The following ENTPD4 variants were observed in gnomAD, a reference collection of about 807,000 sequenced individuals.
The protein encoded by ENTPD4 is Golgi UDPase.
Under a neutral mutation model 79.1 loss-of-function variants are expected in ENTPD4, and 60 were observed. The observed-to-expected ratio is 0.76, with a 90% CI of 0.62 to 0.94. The LOEUF is 0.94. ENTPD4 is among the 40% of genes least tolerant of loss of function. ENTPD4 has a pLI of 0.00. For missense variants in ENTPD4, 772 were observed against 775.1 expected (o/e 1.00, Z 0.05); for synonymous variants, 276 against 292.0 (o/e 0.95, Z 0.56).
chr8:23,433,930 G>C (rs1800507746), intron 12 of ENTPD4, among the ~76,000 whole-genome samples: 1 of 152,204 alleles, frequency 6.6e-6, no homozygotes, highest in Non-Finnish European at 1.5e-5. Flanking sequence ...GTAATATTTT[G>C]GTATTATTTC....
At chr8:23,436,885 C>G in intron 10 of ENTPD4, 49 bp downstream of exon 10, 1 of 1,419,284 alleles carries the variant, frequency 7.0e-7, no homozygotes, top group Non-Finnish European at 9.6e-7. Flanking sequence ...TCACCGTCCA[C>G]ACTGGTCTCT....
At chr8:23,445,512 C>A (rs1348869494) in intron 4 of ENTPD4, among the ~76,000 whole-genome samples, 1 of 152,148 alleles carries the variant, frequency 6.6e-6, no homozygotes, top group Non-Finnish European at 1.5e-5. Flanking sequence ...TTACTGTGGC[C>A]TTAGGGCCCT....
At position 23,449,064 on chromosome 8, in the gene ENTPD4, A is replaced by G. The variant is rs1409024124; in HGVS notation, c.9-125T>C. On this transcript the variant is annotated intron_variant, in intron 2 of 12. Coordinates refer to ENST00000358689, the MANE Select transcript of ENTPD4 (RefSeq NM_004901.5). ...GATTTCCCTAACTGTAGGTATCTGT[A>G]TACTGGCATCTTGCATATGCTACAC... 4.3e-6 allele frequency: 3 copies of G among 699,872 alleles called. No homozygotes were observed. In the African/African-American group the frequency reaches 5.4e-5, roughly 13 times the overall value. 43.4% of individuals were successfully genotyped at this position (699,872 alleles called of 1,614,324 possible).
At position 23,432,836 on chromosome 8, in the gene ENTPD4, G is replaced by A. The variant is rs1800480226; in HGVS notation, c.*90C>T. The stretch of plus-strand genomic sequence containing the variant: ...TGTTTGGAGGAACAAAAAAGGGAAA[G>A]AAAAAACAAAACCACAGGAAAATAA... On this transcript the variant is annotated 3_prime_UTR_variant, in exon 13 of 13. Transcript: ENST00000358689. 1.4e-6 allele frequency: 2 copies of A among 1,454,296 alleles called. No homozygotes were observed. The highest frequency in any genetic ancestry group is 2.9e-5 in the African/African-American group (2 of 69,794). 90.1% of individuals were successfully genotyped at this position (1,454,296 alleles called of 1,614,324 possible). A position where few individuals can be genotyped will look rare whatever the true frequency, so the allele number is the denominator to read the frequency against.
At chr8:23,445,498 C>T (rs1369463656) in intron 4 of ENTPD4, among the ~76,000 whole-genome samples, 2 of 152,166 alleles carry the variant, frequency 1.3e-5, no homozygotes, top group African/African-American at 4.8e-5. Flanking sequence ...TTCCATAATG[C>T]ACCTTACTGT....
Position 23,436,937 on chromosome 8 carries a change from TGCA to T in ENTPD4, c.1368_1370del (p.Ala457del), listed in dbSNP as rs1337541403. On this transcript the variant is annotated inframe_deletion, in exon 10 of 13. Coordinates refer to ENST00000358689, the MANE Select transcript of ENTPD4 (RefSeq NM_004901.5). ...AGACGGCGTCTCTCAAGGGTACCTT[TGCA>T]GCTTTAGTAAATTTAGCAGCATTGT... 6.3e-7 allele frequency: 1 copy of T among 1,584,816 alleles called. No homozygotes were observed. Among genetic ancestry groups the T allele is most frequent in the South Asian group, 1.2e-5 (1 of 85,924 alleles).
At chr8:23,455,922 A>C (rs1221200855) in intron 1 of ENTPD4, among the ~76,000 whole-genome samples, 1 of 152,192 alleles carries the variant, frequency 6.6e-6, no homozygotes, top group African/African-American at 2.4e-5. Context: ...TCTCCAAGCC[A>C]GTCGATTCTT....
Position 23,432,901 on chromosome 8 carries a change from A to G in ENTPD4, c.*25T>C. On this transcript the variant is annotated 3_prime_UTR_variant, in exon 13 of 13. Coordinates refer to ENST00000358689, the MANE Select transcript of ENTPD4 (RefSeq NM_004901.5). ...GAGGCAAAAATGGCTTTTCCTTTTGAGTCTTCGTGGAGCTGTGAGCTGGAT... is the reference window on the plus strand; with the variant it reads ...GAGGCAAAAATGGCTTTTCCTTTTGGGTCTTCGTGGAGCTGTGAGCTGGAT... 2.6e-6 allele frequency: 4 copies of G among 1,538,586 alleles called. No individual in the cohort carries two copies. Among genetic ancestry groups the G allele is most frequent in the Non-Finnish European group, 3.5e-6 (4 of 1,139,148 alleles).
At position 23,429,341 on chromosome 8, in the gene ENTPD4, T is replaced by C. The variant is rs1350967491; in HGVS notation, c.*3585A>G. 3 of 985,052 alleles carry C rather than the reference T, an allele frequency of 3.0e-6. No individual in the cohort carries two copies. In the African/African-American group the frequency reaches 5.2e-5, roughly 17 times the overall value. 61.0% of individuals were successfully genotyped at this position (985,052 alleles called of 1,614,324 possible). ...AAGATGCTCCCTTGCTTTTTATAAT[T>C]CCTAACTGTAAAATATAATTTTAGT... On this transcript the variant is annotated 3_prime_UTR_variant, in exon 13 of 13. Transcript: ENST00000358689.
chr8:23,432,996 C>CGG lies in ENTPD4; in HGVS notation c.1779_1780dup (p.Arg594ProfsTer99), dbSNP rs761741968. The stretch of plus-strand genomic sequence containing the variant: ...CCAGAGGGCGGCGGCCGAGCTGCTC[C>CGG]GGGGAGTGCGCCTGTGGATGCGCCG... On this transcript the variant is annotated frameshift_variant, in exon 13 of 13. Transcript: ENST00000358689. LOFTEE classifies it high-confidence loss of function. 59 of 1,613,716 alleles carry CGG rather than the reference C, an allele frequency of 3.7e-5. No individual in the cohort carries two copies. Among genetic ancestry groups the CGG allele is most frequent in the Middle Eastern group, 3.3e-4 (2 of 6,082 alleles).
intron 1 of ENTPD4, among the ~76,000 whole-genome samples, chr8:23,450,892 CCT>C (rs1347355974): frequency 6.6e-6 from 1 of 152,208 alleles, no homozygotes; most frequent in East Asian, 1.9e-4. Flanking sequence ...AATCTTCTCC[CCT>C]TTTTCTCCTA....
rs1800480898 is a variant in ENTPD4, at chr8:23,432,868, GA to G, written c.*57del. The G allele has an allele frequency of 6.7e-7, 1 of 1,487,836 alleles. No individual in the cohort carries two copies. The highest frequency in any genetic ancestry group is 1.4e-5 in the African/African-American group (1 of 70,686). 92.2% of individuals were successfully genotyped at this position (1,487,836 alleles called of 1,614,324 possible). A position where few individuals can be genotyped will look rare whatever the true frequency, so the allele number is the denominator to read the frequency against. On this transcript the variant is annotated 3_prime_UTR_variant, in exon 13 of 13. Coordinates refer to ENST00000358689, the MANE Select transcript of ENTPD4 (RefSeq NM_004901.5). ...CAAAACCACAGGAAAATAAAGAGGA[GA>G]AACCCTGAGGCAAAAATGGCTTTTC...
chr8:23,450,392 T>C (rs967336152), intron 1 of ENTPD4, among the ~76,000 whole-genome samples: 1 of 152,256 alleles, frequency 6.6e-6, no homozygotes, highest in Non-Finnish European at 1.5e-5. Context: ...TGCCCTTTTA[T>C]GTACAAAGTA....
intron 4 of ENTPD4, among the ~76,000 whole-genome samples, chr8:23,446,669 T>C (rs1388803466): frequency 1.3e-5 from 2 of 152,082 alleles, no homozygotes; most frequent in East Asian, 3.8e-4. Context: ...ATAATCAACT[T>C]GTTGAGGGCT....
intron 11 of ENTPD4, 120 bp from the exon 12 acceptor site, chr8:23,434,598 C>G: frequency 6.7e-7 from 1 of 1,502,180 alleles, no homozygotes; most frequent in Non-Finnish European, 8.9e-7. Context: ...CTTCCTCAGG[C>G]CGGCTCTCCC....
At position 23,441,608 on chromosome 8, in the gene ENTPD4, G is replaced by A. The variant is rs767980603; in HGVS notation, c.843C>T (p.Tyr281=). The stretch of plus-strand genomic sequence containing the variant: ...CAAAGCTTACAGTTTTGGGGACTTC[G>A]TACGCTATCTGAGTCGACACGCCGC... ...DMGGVSTQIA[Y]EVPKTVSFAS... The change falls in exon 8 of 13, where the codon TAC becomes TAT. Residue 281 remains tyrosine (Y), a synonymous_variant. Transcript: ENST00000358689. 2.4e-5 allele frequency: 38 copies of A among 1,614,110 alleles called. No individual in the cohort carries two copies. In the Admixed American group the frequency reaches 2.7e-4, roughly 11 times the overall value.
At chr8:23,449,021 T>C (rs1402936327) in intron 2 of ENTPD4, 82 bp from the exon 3 acceptor site, 4 of 1,210,062 alleles carry the variant, frequency 3.3e-6, no homozygotes, top group African/African-American at 1.5e-5. Context: ...AAATAAGATA[T>C]TTGGCTTGAG....
intron 12 of ENTPD4, 36 bp downstream of exon 12, chr8:23,434,281 T>C (rs746260955): frequency 1.2e-6 from 2 of 1,606,072 alleles, no homozygotes; most frequent in Non-Finnish European, 1.7e-6. Context: ...CAGAAAAGCA[T>C]CTTTTTGATT....
chr8:23,450,662 C>T (rs1332209789), intron 1 of ENTPD4, among the ~76,000 whole-genome samples: 1 of 152,248 alleles, frequency 6.6e-6, no homozygotes, highest in Non-Finnish European at 1.5e-5. Context: ...GCGTTGTTCT[C>T]TGCCAACCCC....
Sources: gnomAD v4.1 joint callset for allele counts (sites outside exome capture counted in the v4.1 genomes callset) on GRCh38, gnomAD v4.1.1 for gene constraint, MANE v1.5 for transcripts, NCBI Gene and HGNC (gene_info 2026-07-23, HGNC 2026-07-21) for gene names.